Variants in MEOX2 observed in about 807,000 individuals in gnomAD.
MEOX2 encodes the protein mesenchyme homeobox 2.
A neutral mutation model predicts 27.0 loss-of-function variants in MEOX2; 11 were observed. The observed-to-expected ratio is 0.41, with a 90% CI of 0.26 to 0.68. MEOX2 has a LOEUF of 0.68. MEOX2 is among the 30% of genes least tolerant of loss of function. The pLI is 0.33. For synonymous variants in MEOX2, 189 were observed against 155.4 expected (o/e 1.22, Z -1.61); for missense variants, 436 against 385.4 (o/e 1.13, Z -1.10).
At chr7:15,636,323 TA>T (rs1781478259) in intron 1 of MEOX2, among the ~76,000 whole-genome samples, 1 of 152,124 alleles carries the variant, frequency 6.6e-6, no homozygotes, top group African/African-American at 2.4e-5. Context: ...ACCAAGAATT[TA>T]TAAATTGATT....
chr7:15,673,597 C>CAAAAAAA (rs35223717), intron 1 of MEOX2, among the ~76,000 whole-genome samples: 8 of 76,180 alleles, frequency 1.1e-4, no homozygotes, highest in African/African-American at 2.5e-4. Flanking sequence ...ACAAGTCTAT[C>CAAAAAAA]AAAAAAAAAA....
At position 15,638,046 on chromosome 7, in the gene MEOX2, A is replaced by T. The variant is rs564617347; in HGVS notation, c.518-11128T>A. 1.7e-4 allele frequency among the ~76,000 whole-genome samples: 26 copies of T among 152,214 alleles called. No individual in the cohort carries two copies. The South Asian group carries it at 5.2e-3, about 30-fold the overall frequency. ...ATTTCATTTGAATCATTTAACTTTC[A>T]TTTGACACGTAACATTTAGTGAAAT... On this transcript the variant is annotated intron_variant, in intron 1 of 2. Transcript: ENST00000262041.
chr7:15,667,618 G>T (rs1369092127), intron 1 of MEOX2, among the ~76,000 whole-genome samples: 1 of 151,962 alleles, frequency 6.6e-6, no homozygotes, highest in Non-Finnish European at 1.5e-5. Flanking sequence ...GTGTGTTGGG[G>T]GACCTAGGGG....
intron 1 of MEOX2, among the ~76,000 whole-genome samples, chr7:15,642,421 C>T (rs560844309): frequency 2.0e-5 from 3 of 152,060 alleles, no homozygotes; most frequent in African/African-American, 7.2e-5. Context: ...AAGTTTGCCA[C>T]AGTGTTTTGA....
chr7:15,631,932 G>GTGTGTGTGTGTGTGTGTGTGTGTGTGTGT (rs371386224), intron 1 of MEOX2, among the ~76,000 whole-genome samples: 3 of 149,836 alleles, frequency 2.0e-5, no homozygotes, highest in Admixed American at 6.7e-5. Flanking sequence ...GTGTGTGTGT[G>GTGTGTGTGTGTGTGTGTGTGTGTGTGTGT]GAGAGAAAGA....
intron 1 of MEOX2, among the ~76,000 whole-genome samples, chr7:15,665,772 A>G (rs1307605255): frequency 1.3e-5 from 2 of 152,220 alleles, no homozygotes; most frequent in African/African-American, 4.8e-5. Context: ...AAGTAGATTT[A>G]TATGCTATCT....
In MEOX2 at chr7:15,686,627, A is replaced by G; in HGVS notation, c.-225T>C. 1 of 560,048 alleles carries G rather than the reference A, an allele frequency of 1.8e-6. No homozygotes were observed. Among genetic ancestry groups the G allele is most frequent in the South Asian group, 2.6e-5 (1 of 39,056 alleles). The allele number at this position is 560,048 out of a possible 1,614,324, so 34.7% of individuals were successfully genotyped here. On this transcript the variant is annotated 5_prime_UTR_variant, in exon 1 of 3. Transcript: ENST00000262041. ...GGAAGAGCTTCCCTGAGCTACTCAG[A>G]TGTCAAGAGTGGGAGAGGTTGAAGC...
intron 1 of MEOX2, among the ~76,000 whole-genome samples, chr7:15,665,041 TCACACACACACA>T (rs35772927): frequency 2.1e-3 from 292 of 141,224 alleles, no homozygotes; most frequent in East Asian, 5.0e-3. Flanking sequence ...TAAGTGGACA[TCACACACACACA>T]CACACACACA....
chr7:15,656,300 A>C (rs1233506126), intron 1 of MEOX2, among the ~76,000 whole-genome samples: 8 of 151,796 alleles, frequency 5.3e-5, no homozygotes, highest in Admixed American at 5.3e-4. Flanking sequence ...AGTTTTTTAA[A>C]CCACTCTATC....
intron 1 of MEOX2, chr7:15,668,155 ACT>A (rs1349741667): frequency 1.3e-5 from 2 of 151,966 alleles, no homozygotes; most frequent in African/African-American, 4.8e-5. Context: ...GTGTAGGTCT[ACT>A]TATGCATGGA....
chr7:15,684,744 G>A (rs2115400242), intron 1 of MEOX2, among the ~76,000 whole-genome samples: 1 of 152,316 alleles, frequency 6.6e-6, no homozygotes, highest in South Asian at 2.1e-4. Context: ...AGAAAAATAT[G>A]CAAATATTAT....
intron 1 of MEOX2, among the ~76,000 whole-genome samples, chr7:15,678,595 A>G (rs1228398843): frequency 1.3e-5 from 2 of 152,218 alleles, no homozygotes; most frequent in African/African-American, 4.8e-5. Context: ...GGTGGCTAAG[A>G]ATAACCATCC....
At chr7:15,630,103 G>A (rs556263109) in intron 1 of MEOX2, among the ~76,000 whole-genome samples, 11 of 151,976 alleles carry the variant, frequency 7.2e-5, no homozygotes, top group Admixed American at 2.0e-4. Flanking sequence ...GTTGTTTTTC[G>A]TCTCAGATAC....
At chr7:15,613,307 C>G (rs533595693) in intron 2 of MEOX2, among the ~76,000 whole-genome samples, 1 of 151,660 alleles carries the variant, frequency 6.6e-6, no homozygotes, top group African/African-American at 2.4e-5. Context: ...CAGCTTTGTA[C>G]AGGTATTTTC....
In MEOX2 at chr7:15,624,916, G is replaced by A. The variant is rs556226698; in HGVS notation, c.690+1830C>T. On this transcript the variant is annotated intron_variant, in intron 2 of 2. Coordinates refer to ENST00000262041, the MANE Select transcript of MEOX2 (RefSeq NM_005924.5). ...TTTACCAAGCTCCTGAAGTCAGTTAGAAAGAAGAAATATCCAAGACACCTT... is the reference window on the plus strand; with the variant it reads ...TTTACCAAGCTCCTGAAGTCAGTTAAAAAGAAGAAATATCCAAGACACCTT... 5.9e-5 allele frequency among the ~76,000 whole-genome samples: 9 copies of A among 152,236 alleles called. No individual in the cohort carries two copies. In the South Asian group the frequency reaches 1.9e-3, roughly 32 times the overall value.
intron 1 of MEOX2, 37 bp from the exon 2 acceptor site, chr7:15,626,955 T>C: frequency 6.9e-6 from 11 of 1,583,246 alleles, no homozygotes; most frequent in Non-Finnish European, 9.5e-6. Context: ...TAATAACTCA[T>C]TTATTCAAAC....
chr7:15,623,512 G>A (rs1365041513), intron 2 of MEOX2, among the ~76,000 whole-genome samples: 1 of 152,062 alleles, frequency 6.6e-6, no homozygotes, highest in East Asian at 1.9e-4. Flanking sequence ...TAGGATTATA[G>A]GTGCCTGCCA....
intron 2 of MEOX2, among the ~76,000 whole-genome samples, chr7:15,614,377 G>A (rs1481707640): frequency 1.3e-5 from 2 of 151,732 alleles, no homozygotes; most frequent in African/African-American, 4.8e-5. Flanking sequence ...TTGCACCACT[G>A]CACTCCAGCC....
intron 2 of MEOX2, among the ~76,000 whole-genome samples, chr7:15,619,145 T>C (rs1403884432): frequency 6.6e-6 from 1 of 152,040 alleles, no homozygotes; most frequent in African/African-American, 2.4e-5. Context: ...TATAAAGATG[T>C]AGATAGTAGA....
Sources: allele counts gnomAD v4.1 joint callset (sites outside exome capture counted in the v4.1 genomes callset), GRCh38; gene constraint gnomAD v4.1.1; transcripts MANE v1.5; gene names NCBI Gene and HGNC (gene_info 2026-07-23, HGNC 2026-07-21).